ZBBX: variants seen among roughly 807,000 people sequenced by gnomAD.
ZBBX encodes zinc finger B-box domain containing.
Under a neutral mutation model 108.5 loss-of-function variants are expected in ZBBX, and 101 were observed. The observed-to-expected ratio is 0.93, with a 90% CI of 0.79 to 1.10. The LOEUF (loss-of-function observed/expected upper bound fraction) is 1.10. Among genes scored for constraint, ZBBX ranks in the 50% least tolerant of loss-of-function variants. ZBBX has a pLI of 0.00. For missense variants in ZBBX, 1,009 were observed against 941.4 expected (o/e 1.07, Z -0.94); for synonymous variants, 356 against 323.4 (o/e 1.10, Z -1.08).
chr3:167,233,592 T>C, the ZBBX span, among the ~76,000 whole-genome samples: 4 of 151,782 alleles, frequency 2.6e-5, no homozygotes, highest in Non-Finnish European at 4.4e-5. Flanking sequence ...AGCTCTTCCA[T>C]GGTTCCTCTT....
chr3:167,240,728 T>A lies in ZBBX; in HGVS notation c.*65A>T. On this transcript the variant is annotated 3_prime_UTR_variant, in exon 22 of 22. Coordinates refer to ENST00000675490, the MANE Select transcript of ZBBX (RefSeq NM_001199201.2). ...AGCACTTGGATAGGTAATCACTTGG[T>A]TACTTTTCTCAGTTGTTTGCTTTAC... is the stretch of plus-strand genomic sequence containing the variant. The A allele has an allele frequency of 1.3e-6, 2 of 1,559,984 alleles. No homozygotes were observed. Among genetic ancestry groups the A allele is most frequent in the South Asian group, 1.2e-5 (1 of 82,688 alleles).
At chr3:167,266,502 G>A (rs998182240) in intron 20 of ZBBX, among the ~76,000 whole-genome samples, 9 of 152,016 alleles carry the variant, frequency 5.9e-5, no homozygotes, top group African/African-American at 1.9e-4. Context: ...CCTTGAAACT[G>A]CACGTCTCAC....
chr3:167,279,440 T>C (rs113210104), intron 20 of ZBBX, among the ~76,000 whole-genome samples: 1 of 151,988 alleles, frequency 6.6e-6, no homozygotes, highest in African/African-American at 2.4e-5. Context: ...ACAAGCATTC[T>C]TCTACACCAA....
intron 17 of ZBBX, 87 bp downstream of exon 17, chr3:167,305,556 T>A (rs1330615326): frequency 1.9e-6 from 2 of 1,042,566 alleles, no homozygotes; most frequent in Non-Finnish European, 2.6e-6. Context: ...TAATAGGAAG[T>A]AACTTGAGAA....
intron 20 of ZBBX, among the ~76,000 whole-genome samples, chr3:167,260,980 G>A (rs1443277307): frequency 6.6e-6 from 1 of 152,118 alleles, no homozygotes; most frequent in Non-Finnish European, 1.5e-5. Flanking sequence ...GAAGGTCTAG[G>A]GCTAAAGCCT....
At chr3:167,317,699 T>A in intron 12 of ZBBX, 102 bp from the exon 13 acceptor site, 1 of 680,810 alleles carries the variant, frequency 1.5e-6, no homozygotes, top group Non-Finnish European at 2.5e-6. Flanking sequence ...GTATACAAAA[T>A]TAATGATGAA....
the ZBBX span, among the ~76,000 whole-genome samples, chr3:167,204,248 T>C: frequency 0.019 from 2,815 of 149,806 alleles, 100 homozygotes; most frequent in African/African-American, 0.066. Flanking sequence ...CTTTTCTTTT[T>C]TTTTTATTAT....
At chr3:167,319,311 A>T (rs1275889997) in intron 12 of ZBBX, among the ~76,000 whole-genome samples, 1 of 152,054 alleles carries the variant, frequency 6.6e-6, no homozygotes, top group Non-Finnish European at 1.5e-5. Context: ...TGACCTCCAA[A>T]AAAAGGCACA....
At chr3:167,400,902 A>G (rs1171056727) in intron 1 of ZBBX, among the ~76,000 whole-genome samples, 1 of 152,142 alleles carries the variant, frequency 6.6e-6, no homozygotes, top group African/African-American at 2.4e-5. Context: ...GCAATAACAT[A>G]TGCATTTATA....
intron 1 of ZBBX, chr3:167,401,348 A>T (rs1194509890): frequency 6.6e-6 from 1 of 152,198 alleles, no homozygotes; most frequent in Non-Finnish European, 1.5e-5. Context: ...AAAGGGGTGC[A>T]GACCCAGACC....
rs4277690 is a variant in ZBBX, at chr3:167,242,996, T to C, written c.2255-353A>G. On this transcript the variant is annotated intron_variant, in intron 20 of 21. Coordinates refer to ENST00000675490, the MANE Select transcript of ZBBX (RefSeq NM_001199201.2). ...TCAACCTGTTGGACATTTTGTTATC[T>C]TTTTTCTTATAAGAAATAAAAGCTT... Among the ~76,000 whole-genome samples, 945 of 152,318 alleles carry C rather than the reference T, an allele frequency of 6.2e-3. 34 individuals are homozygous for C. The East Asian group carries it at 0.071, about 11-fold the overall frequency.
chr3:167,191,957 T>A, the ZBBX span, among the ~76,000 whole-genome samples: 2 of 131,120 alleles, frequency 1.5e-5, no homozygotes, highest in Non-Finnish European at 3.1e-5. Flanking sequence ...TTTAATCAAA[T>A]GTCAGCTTAT....
chr3:167,264,217 T>A (rs1212318953), intron 20 of ZBBX, among the ~76,000 whole-genome samples: 1 of 152,210 alleles, frequency 6.6e-6, no homozygotes, highest in Non-Finnish European at 1.5e-5. Context: ...ATGTTGTTAT[T>A]GATAAGGACT....
intron 19 of ZBBX, among the ~76,000 whole-genome samples, chr3:167,288,534 A>G (rs941470518): frequency 6.6e-6 from 1 of 152,326 alleles, no homozygotes; most frequent in Middle Eastern, 3.4e-3. Flanking sequence ...TGGTATAAAC[A>G]TACTGCTTCC....
At chr3:167,367,541 T>C (rs1264126192) in intron 5 of ZBBX, among the ~76,000 whole-genome samples, 2 of 150,492 alleles carry the variant, frequency 1.3e-5, no homozygotes, top group East Asian at 1.9e-4. Context: ...TTAAGTAAAA[T>C]AGTAGGACAT....
chr3:167,220,188 C>T, the ZBBX span, among the ~76,000 whole-genome samples: 2 of 151,890 alleles, frequency 1.3e-5, no homozygotes, highest in Non-Finnish European at 2.9e-5. Context: ...TCTGCTCAAA[C>T]AATTCTGTAA....
At chr3:167,191,914 T>TAGAG in the ZBBX span, among the ~76,000 whole-genome samples, 10 of 114,664 alleles carry the variant, frequency 8.7e-5, 1 homozygote, top group Admixed American at 4.3e-4. Context: ...TATATATATA[T>TAGAG]ATATATATAT....
At chr3:167,343,625 T>C (rs1017473364) in intron 9 of ZBBX, among the ~76,000 whole-genome samples, 2 of 151,916 alleles carry the variant, frequency 1.3e-5, no homozygotes, top group Admixed American at 1.3e-4. Flanking sequence ...CATGAAAAGA[T>C]GTTTGACATC....
intron 1 of ZBBX, among the ~76,000 whole-genome samples, chr3:167,406,014 C>CGA (rs989522924): frequency 3.0e-4 from 46 of 152,054 alleles, no homozygotes; most frequent in African/African-American, 1.1e-3. Flanking sequence ...TGCAGTGAGC[C>CGA]GATAGTGCCA....
Sources: allele counts gnomAD v4.1 joint callset (sites outside exome capture counted in the v4.1 genomes callset), GRCh38; gene constraint gnomAD v4.1.1; transcripts MANE v1.5; gene names NCBI Gene and HGNC (gene_info 2026-07-23, HGNC 2026-07-21).